Variants in UCHL3 observed in about 807,000 individuals in gnomAD.
UCHL3 encodes ubiquitin C-terminal hydrolase L3.
UCHL3 carries 22 observed loss-of-function variants against 35.8 expected under a neutral mutation model. The observed-to-expected ratio is 0.61, with a 90% CI of 0.44 to 0.88. UCHL3 has a LOEUF of 0.88. Among genes scored for constraint, UCHL3 ranks in the 40% least tolerant of loss-of-function variants. The probability of loss-of-function intolerance (pLI) is 0.00; values close to 1 mark genes in which losing one functional copy is unlikely to be tolerated. For missense variants in UCHL3, 229 were observed against 276.9 expected (o/e 0.83, Z 1.23); for synonymous variants, 90 against 92.8 (o/e 0.97, Z 0.17).
intron 3 of UCHL3, 42 bp from the exon 4 acceptor site, chr13:75,566,653 T>G: frequency 1.6e-6 from 2 of 1,244,242 alleles, no homozygotes; most frequent in Non-Finnish European, 2.1e-6. Context: ...TTTTAATATG[T>G]TATTTTCCAC....
intron 7 of UCHL3, 65 bp downstream of exon 7, chr13:75,595,055 A>T (rs979480347): frequency 8.3e-6 from 10 of 1,202,214 alleles, no homozygotes; most frequent in Non-Finnish European, 1.2e-5. Flanking sequence ...TACTTATGAT[A>T]AACAGGACTA....
In UCHL3 at chr13:75,563,822, C is replaced by A. The variant is rs182770749; in HGVS notation, c.184-2873C>A. Among the ~76,000 whole-genome samples the A allele has an allele frequency of 2.4e-3, 363 of 151,924 alleles. 4 individuals are homozygous for A. Among genetic ancestry groups the A allele is most frequent in the African/African-American group, 8.4e-3 (349 of 41,442 alleles). On this transcript the variant is annotated intron_variant, in intron 3 of 8. Transcript: ENST00000377595. Reference sequence around the variant, plus strand: ...ATCAGTGATATTATACAATATTTTTCTTTCTGTGTCTGGCTTATTTCACTT... The same window carrying A: ...ATCAGTGATATTATACAATATTTTTATTTCTGTGTCTGGCTTATTTCACTT...
rs187697958 is a variant in UCHL3 at position 75,592,983 on chromosome 13, C to G, written c.475-1932C>G. ...ACCCAAGGCTTACAGGGATTGGGTC[C>G]ATATTCAGTTCTCTGACTCCAGTTG... On this transcript the variant is annotated intron_variant, in intron 6 of 8. Coordinates refer to ENST00000377595, the MANE Select transcript of UCHL3 (RefSeq NM_006002.5). Among the ~76,000 whole-genome samples the G allele has an allele frequency of 3.4e-3, 513 of 152,170 alleles. 2 individuals carry two copies. Among genetic ancestry groups the G allele is most frequent in the Non-Finnish European group, 6.1e-3 (415 of 67,982 alleles).
In UCHL3 at chr13:75,549,956, G is replaced by C; in HGVS notation, c.43-20G>C. On this transcript the variant is annotated intron_variant, in intron 1 of 8. Coordinates refer to ENST00000377595, the MANE Select transcript of UCHL3 (RefSeq NM_006002.5). Reference sequence around the variant, plus strand: ...CCACGGTGGTTTGTCTCTAAAGCGTGTTCTCTGTTTCGTTTTCAGGTCACC... The same window carrying C: ...CCACGGTGGTTTGTCTCTAAAGCGTCTTCTCTGTTTCGTTTTCAGGTCACC... 1 of 1,614,252 alleles carries C rather than the reference G, an allele frequency of 6.2e-7. No homozygotes were observed.
In UCHL3 at chr13:75,550,779, A is replaced by G. The variant is rs1178483690; in HGVS notation, c.54+792A>G. On this transcript the variant is annotated intron_variant, in intron 2 of 8. Coordinates refer to ENST00000377595, the MANE Select transcript of UCHL3 (RefSeq NM_006002.5). ...TTCTTTTTTACTGCTCTCCTAGTTT[A>G]TCATACTCCCTTTACCTCCACTATC... 4.5e-5 allele frequency among the ~76,000 whole-genome samples: 6 copies of G among 132,958 alleles called. No individual in the cohort carries two copies. In the East Asian group the frequency reaches 1.4e-3, roughly 31 times the overall value. 87.2% of individuals were successfully genotyped at this position (132,958 alleles called of 152,430 possible). A position where few individuals can be genotyped will look rare whatever the true frequency, so the allele number is the denominator to read the frequency against.
chr13:75,603,552 T>C (rs1228844301), intron 7 of UCHL3, among the ~76,000 whole-genome samples: 1 of 152,204 alleles, frequency 6.6e-6, no homozygotes, highest in African/African-American at 2.4e-5. Context: ...CTACATTGTT[T>C]ACTTATACTT....
intron 4 of UCHL3, 27 bp from the exon 5 acceptor site, chr13:75,567,200 T>A (rs1309484969): frequency 6.2e-7 from 1 of 1,605,498 alleles, no homozygotes; most frequent in East Asian, 2.2e-5. Context: ...CAAGCCTTTT[T>A]AATTTTATCT....
intron 2 of UCHL3, among the ~76,000 whole-genome samples, chr13:75,556,952 G>C (rs1251673550): frequency 6.6e-6 from 1 of 152,174 alleles, no homozygotes; most frequent in African/African-American, 2.4e-5. Flanking sequence ...TGAGTGCAGT[G>C]GTTCACAGCT....
intron 6 of UCHL3, among the ~76,000 whole-genome samples, chr13:75,590,354 AACG>A (rs2032449231): frequency 6.6e-6 from 1 of 152,034 alleles, no homozygotes; most frequent in Admixed American, 6.6e-5. Flanking sequence ...CTGCCAACAT[AACG>A]GCACCTGCCT....
intron 6 of UCHL3, among the ~76,000 whole-genome samples, chr13:75,578,835 T>C (rs920220851): frequency 1.2e-4 from 18 of 152,070 alleles, no homozygotes; most frequent in Admixed American, 9.8e-4. Flanking sequence ...CATAAATATA[T>C]ATACATAATT....
At chr13:75,561,591 G>T (rs1222679719) in intron 3 of UCHL3, among the ~76,000 whole-genome samples, 2 of 151,666 alleles carry the variant, frequency 1.3e-5, no homozygotes, top group Non-Finnish European at 2.9e-5. Flanking sequence ...GTTGGTAGGG[G>T]AAACTGATAA....
At chr13:75,587,965 C>T (rs941934259) in intron 6 of UCHL3, among the ~76,000 whole-genome samples, 1 of 152,114 alleles carries the variant, frequency 6.6e-6, no homozygotes, top group Non-Finnish European at 1.5e-5. Flanking sequence ...GTCTGTTGCT[C>T]TCATGTGAAT....
intron 6 of UCHL3, among the ~76,000 whole-genome samples, chr13:75,581,605 G>T (rs957815177): frequency 5.0e-4 from 74 of 147,354 alleles, no homozygotes; most frequent in Admixed American, 8.3e-4. Context: ...TGATCTTTCT[G>T]CCCTGGCCTC....
chr13:75,571,976 CTGTCT>C lies in UCHL3; in HGVS notation c.474+2516_474+2520del, dbSNP rs6145127. On this transcript the variant is annotated intron_variant, in intron 6 of 8. Transcript: ENST00000377595. ...AGCTGTATTCAAAGTTTTCCTAACC[CTGTCT>C]TGTCTTGTCTTGTCTTGTCTTGTCT... Among the ~76,000 whole-genome samples, 1,080 of 143,140 alleles carry C rather than the reference CTGTCT, an allele frequency of 7.5e-3. 3 individuals carry two copies. Among genetic ancestry groups the C allele is most frequent in the Middle Eastern group, 0.021 (6 of 282 alleles). 93.9% of individuals were successfully genotyped at this position (143,140 alleles called of 152,430 possible). A position where few individuals can be genotyped will look rare whatever the true frequency, so the allele number is the denominator to read the frequency against.
At chr13:75,598,952 C>T (rs138894386) in intron 7 of UCHL3, among the ~76,000 whole-genome samples, 1 of 152,194 alleles carries the variant, frequency 6.6e-6, no homozygotes, top group East Asian at 1.9e-4. Context: ...CTCATGGATT[C>T]CTACTTTACT....
intron 7 of UCHL3, among the ~76,000 whole-genome samples, chr13:75,603,465 T>C (rs989452438): frequency 3.3e-5 from 5 of 152,286 alleles, no homozygotes; most frequent in African/African-American, 9.6e-5. Context: ...GCCCTGTCTC[T>C]AAATTAAATA....
intron 2 of UCHL3, 26 bp from the exon 3 acceptor site, chr13:75,560,727 T>C (rs762120498): frequency 4.4e-6 from 7 of 1,578,952 alleles, no homozygotes; most frequent in African/African-American, 1.4e-5. Context: ...TTCCATTGTT[T>C]TTTTTTTCTT....
At chr13:75,585,309 C>T (rs1221024536) in intron 6 of UCHL3, among the ~76,000 whole-genome samples, 2 of 151,866 alleles carry the variant, frequency 1.3e-5, no homozygotes, top group Non-Finnish European at 2.9e-5. Flanking sequence ...TCAAGGCAGC[C>T]ACATGAAAAA....
chr13:75,549,765 C>CGGCGGCGGCGGCGAA (rs8192737), upstream of UCHL3: 4,556 of 1,453,838 alleles, frequency 3.1e-3, 13 homozygotes, highest in Non-Finnish European at 3.8e-3. Context: ...TGGGCGGAAG[C>CGGCGGCGGCGGCGAA]GGCGGCGGCG....
Sources: gnomAD v4.1 joint callset for allele counts (sites outside exome capture counted in the v4.1 genomes callset) on GRCh38, gnomAD v4.1.1 for gene constraint, MANE v1.5 for transcripts, NCBI Gene and HGNC (gene_info 2026-07-23, HGNC 2026-07-21) for gene names.